Variants in EYA4 observed in about 807,000 individuals in gnomAD.
EYA4 encodes protein phosphatase EYA4.
A neutral mutation model predicts 87.9 loss-of-function variants in EYA4; 31 were observed. The observed-to-expected ratio is 0.35, with a 90% CI of 0.27 to 0.48. EYA4 has a LOEUF of 0.48. Ranked by LOEUF, EYA4 falls within the 20% of genes least tolerant of loss-of-function variation. The pLI is 0.99. For missense variants in EYA4, 678 were observed against 761.4 expected, an observed-to-expected ratio of 0.89 and a Z score of 1.29; for synonymous variants, 263 against 270.6, an observed-to-expected ratio of 0.97 and a Z score of 0.28.
At chr6:133,264,527 CAGAGAGGAG>C (rs1243425064) in intron 1 of EYA4, among the ~76,000 whole-genome samples, 4 of 152,174 alleles carry the variant, frequency 2.6e-5, no homozygotes, top group African/African-American at 7.2e-5. Flanking sequence ...CCTGTACTGG[CAGAGAGGAG>C]AGAGAGGAGG....
At chr6:133,349,700 G>C (rs1272741696) in intron 2 of EYA4, among the ~76,000 whole-genome samples, 2 of 151,676 alleles carry the variant, frequency 1.3e-5, no homozygotes, top group African/African-American at 4.9e-5. Flanking sequence ...ATAAACCACA[G>C]GGTTAACCCC....
chr6:133,277,983 A>T (rs951228662), intron 2 of EYA4, among the ~76,000 whole-genome samples: 2 of 152,258 alleles, frequency 1.3e-5, no homozygotes, highest in South Asian at 4.2e-4. Flanking sequence ...GTCTTCCTAA[A>T]ATACAACCCT....
At chr6:133,436,977 A>G (rs986985788) in intron 3 of EYA4, among the ~76,000 whole-genome samples, 7 of 152,302 alleles carry the variant, frequency 4.6e-5, no homozygotes, top group Middle Eastern at 3.4e-3. Context: ...AAATTATTAG[A>G]AAGAAATTCC....
chr6:133,458,833 T>C (rs967925831), intron 6 of EYA4, among the ~76,000 whole-genome samples: 6 of 152,076 alleles, frequency 3.9e-5, no homozygotes, highest in Non-Finnish European at 1.5e-5. Flanking sequence ...AAACTGACAA[T>C]AGATATTAAA....
In EYA4 at chr6:133,464,869, T is replaced by G; in HGVS notation, c.804+11T>G. ...AGTGGTTCACAACAGGTATAGTAGC[T>G]TTTTGTGTTTATGCTTTTTATATGT... On this transcript the variant is annotated intron_variant, in intron 10 of 19. Coordinates refer to ENST00000355286, the MANE Select transcript of EYA4 (RefSeq NM_004100.5). 1 of 1,581,698 alleles carries G rather than the reference T, an allele frequency of 6.3e-7. No homozygotes were observed. The highest frequency in any genetic ancestry group is 8.7e-7 in the Non-Finnish European group (1 of 1,151,670).
chr6:133,255,197 T>G, intron 1 of EYA4, among the ~76,000 whole-genome samples: 1 of 152,176 alleles, frequency 6.6e-6, no homozygotes, highest in East Asian at 1.9e-4. Context: ...AAATGCTGAG[T>G]GTATTTGATA....
At chr6:133,424,295 C>G (rs1790459120) in intron 3 of EYA4, among the ~76,000 whole-genome samples, 2 of 152,206 alleles carry the variant, frequency 1.3e-5, no homozygotes, top group African/African-American at 4.8e-5. Flanking sequence ...GGCACCAAGA[C>G]TCCCCACTCT....
chr6:133,479,178 T>C (rs926523573), intron 11 of EYA4, among the ~76,000 whole-genome samples: 2 of 152,176 alleles, frequency 1.3e-5, no homozygotes, highest in African/African-American at 4.8e-5. Context: ...TAATTAAAAA[T>C]GGAACTTTTA....
chr6:133,423,574 C>A (rs993658917), intron 3 of EYA4, among the ~76,000 whole-genome samples: 1 of 152,130 alleles, frequency 6.6e-6, no homozygotes, highest in Non-Finnish European at 1.5e-5. Context: ...TTGTCCAGTG[C>A]ATTTTTATAA....
intron 2 of EYA4, among the ~76,000 whole-genome samples, chr6:133,309,582 C>T (rs1780061856): frequency 6.6e-6 from 1 of 152,142 alleles, no homozygotes; most frequent in Non-Finnish European, 1.5e-5. Flanking sequence ...GAGTGGTTTT[C>T]ATTAATTTGC....
At chr6:133,306,294 C>T (rs989823149) in intron 2 of EYA4, among the ~76,000 whole-genome samples, 1 of 152,054 alleles carries the variant, frequency 6.6e-6, no homozygotes, top group Non-Finnish European at 1.5e-5. Flanking sequence ...AGTAGATCAC[C>T]CCAAGGGAAA....
At chr6:133,333,696 G>A (rs538939254) in intron 2 of EYA4, among the ~76,000 whole-genome samples, 1 of 152,082 alleles carries the variant, frequency 6.6e-6, no homozygotes, top group Non-Finnish European at 1.5e-5. Flanking sequence ...GAATCCCTGG[G>A]ATTCTTTTTT....
chr6:133,283,223 A>C (rs1438309601), intron 2 of EYA4, among the ~76,000 whole-genome samples: 1 of 151,956 alleles, frequency 6.6e-6, no homozygotes, highest in Admixed American at 6.6e-5. Context: ...GAACCCGGGA[A>C]GCGGAGGTTG....
At chr6:133,356,797 A>G (rs200034642) in intron 2 of EYA4, among the ~76,000 whole-genome samples, 3 of 119,978 alleles carry the variant, frequency 2.5e-5, no homozygotes, top group South Asian at 2.7e-4. Flanking sequence ...GTGTGTATAT[A>G]TATATTTTAT....
chr6:133,253,762 A>G (rs1775111783), intron 1 of EYA4, among the ~76,000 whole-genome samples: 2 of 152,208 alleles, frequency 1.3e-5, no homozygotes, highest in East Asian at 1.9e-4. Context: ...TCTCTGTGTA[A>G]TACCATAGCA....
At chr6:133,465,315 C>T (rs1303564655) in intron 10 of EYA4, among the ~76,000 whole-genome samples, 1 of 152,036 alleles carries the variant, frequency 6.6e-6, no homozygotes, top group East Asian at 1.9e-4. Context: ...AAACAAAATG[C>T]CTCAAAGACT....
chr6:133,374,587 G>A (rs1211822531), intron 2 of EYA4, among the ~76,000 whole-genome samples: 2 of 152,024 alleles, frequency 1.3e-5, no homozygotes, highest in African/African-American at 2.4e-5. Flanking sequence ...GTTATGGCAG[G>A]TTTTCTTTGA....
chr6:133,468,031 T>A (rs1012086728), intron 10 of EYA4, among the ~76,000 whole-genome samples: 9 of 151,608 alleles, frequency 5.9e-5, no homozygotes, highest in Non-Finnish European at 1.2e-4. Context: ...AAAAAAAAAA[T>A]AATAATATTC....
chr6:133,412,067 T>TAG (rs1274160655), intron 3 of EYA4, among the ~76,000 whole-genome samples: 1 of 152,208 alleles, frequency 6.6e-6, no homozygotes, highest in Non-Finnish European at 1.5e-5. Flanking sequence ...TTTTAAAAAG[T>TAG]AGAGGGTTAT....
Sources: allele counts gnomAD v4.1 joint callset (sites outside exome capture counted in the v4.1 genomes callset), GRCh38; gene constraint gnomAD v4.1.1; transcripts MANE v1.5; gene names NCBI Gene and HGNC (gene_info 2026-07-23, HGNC 2026-07-21).